Variants in LOXL4 observed in about 807,000 individuals in gnomAD.
LOXL4 encodes the protein lysyl oxidase homolog 4.
In LOXL4, 72 loss-of-function variants were observed where a neutral mutation model predicts 89.1. The ratio of observed to expected loss-of-function variants is 0.81; its 90% CI spans 0.67 to 0.98. The LOEUF (loss-of-function observed/expected upper bound fraction) is 0.98, where lower values mean the gene tolerates loss of function less well. Among genes scored for constraint, LOXL4 ranks in the 50% least tolerant of loss-of-function variants. The pLI is 0.00. For synonymous variants in LOXL4, 355 were observed against 392.1 expected, an observed-to-expected ratio of 0.91 and a Z score of 1.12; for missense variants, 984 against 1,017.5, an observed-to-expected ratio of 0.97 and a Z score of 0.45.
chr10:98,256,786 G>C lies in LOXL4; in HGVS notation c.1422C>G (p.Ala474=). The change falls in exon 9 of 15, where the codon GCC becomes GCG. Residue 474 remains alanine, a synonymous_variant. Coordinates refer to ENST00000260702, the MANE Select transcript of LOXL4 (RefSeq NM_032211.7). Reference sequence around the variant, plus strand: ...AAACAACAGAGGGACCTACCTTGTAGGCATGGATGGCAAAACCCAGGCCGA... The same window carrying C: ...AAACAACAGAGGGACCTACCTTGTACGCATGGATGGCAAAACCCAGGCCGA... ...RQLGLGFAIH[A]YKETWFWSGT... 1 of 1,614,132 alleles carries C rather than the reference G, an allele frequency of 6.2e-7. No homozygotes were observed. Among genetic ancestry groups the C allele is most frequent in the South Asian group, 1.1e-5 (1 of 91,092 alleles).
rs533287825 is a variant in LOXL4 at position 98,253,949 on chromosome 10, C to A, written c.1592-153G>T. Reference sequence around the variant, plus strand: ...TTTAAGAGTCAGGAGATGGTGAGTTCTAATAACATTTAAAGGAAGTCTATC... The same window carrying A: ...TTTAAGAGTCAGGAGATGGTGAGTTATAATAACATTTAAAGGAAGTCTATC... On this transcript the variant is annotated intron_variant, in intron 10 of 14. Transcript: ENST00000260702. Among the ~76,000 whole-genome samples, 13 of 152,166 alleles carry A rather than the reference C, an allele frequency of 8.5e-5. No homozygotes were observed. The East Asian group carries it at 2.3e-3, about 27-fold the overall frequency.
chr10:98,259,282 G>GT, intron 5 of LOXL4, 54 bp from the exon 6 acceptor site: 1 of 1,582,572 alleles, frequency 6.3e-7, no homozygotes, highest in African/African-American at 1.3e-5. Flanking sequence ...AGAGCTTCAG[G>GT]ACTAAGGGAG....
Position 98,257,991 on chromosome 10 carries a change from C to T in LOXL4, c.1095G>A (p.Arg365=), listed in dbSNP as rs376236102. The T allele has an allele frequency of 1.2e-6, 2 of 1,613,762 alleles. No individual in the cohort carries two copies. Among genetic ancestry groups the T allele is most frequent in the Non-Finnish European group, 1.7e-6 (2 of 1,179,934 alleles). Residue 365 remains arginine (R), a synonymous_variant, in exon 7 of 15, where the codon CGG becomes CGA. Transcript: ENST00000260702. ...GSAREALFGA[R]LGQGLGPIHL... is the part of the protein sequence containing the mutation. Reference sequence around the variant, plus strand: ...GGCTGTCTCACTCACCTTGGCCCAGCCGGGCCCCAAAGAGGGCCTCCCGAG... The same window carrying T: ...GGCTGTCTCACTCACCTTGGCCCAGTCGGGCCCCAAAGAGGGCCTCCCGAG...
rs771869435 is a variant in LOXL4, at chr10:98,253,745, A to C, written c.1643T>G (p.Leu548Trp). 15 of 1,614,180 alleles carry C rather than the reference A, an allele frequency of 9.3e-6. No homozygotes were observed. Among genetic ancestry groups the C allele is most frequent in the Non-Finnish European group, 1.2e-5 (14 of 1,180,024 alleles). ...CAGCTGGCTGAGCGGGCGGTCCTCC[A>C]AGTAGGCCGTCTCCTGCACTAGCTG... ...NAQLVQETAYLEDRPLSQLYC... is the reference protein window; with the variant it reads ...NAQLVQETAYWEDRPLSQLYC... The change falls in exon 11 of 15, where the codon TTG becomes TGG. Residue 548 changes from leucine (L) to tryptophan (W), a missense_variant. Transcript: ENST00000260702.
chr10:98,256,869 CCCAGCGTG>C lies in LOXL4; in HGVS notation c.1331_1338del (p.Pro444ArgfsTer6). The C allele has an allele frequency of 6.2e-7, 1 of 1,614,136 alleles. No homozygotes were observed. The highest frequency in any genetic ancestry group is 1.1e-5 in the South Asian group (1 of 91,086). On this transcript the variant is annotated frameshift_variant, in exon 9 of 15. Transcript: ENST00000260702. LOFTEE classifies it high-confidence loss of function. ...CCCCAGTTTTCACTGCACACGCTCCCCCAGCGTGGGACCCCGTTCACCTCCACCTGCAC... is the reference window on the plus strand; with the variant it reads ...CCCCAGTTTTCACTGCACACGCTCCCGGACCCCGTTCACCTCCACCTGCAC...
rs948462428 is a variant in LOXL4 at position 98,264,429 on chromosome 10, T to G, written c.-32-1378A>C. ...TTACCCCCAGACCACAGTGTGGGGG[T>G]TTGGAGGGGAAAGAGATGGAGGGAC... On this transcript the variant is annotated intron_variant, in intron 1 of 14. Coordinates refer to ENST00000260702, the MANE Select transcript of LOXL4 (RefSeq NM_032211.7). Among the ~76,000 whole-genome samples the G allele has an allele frequency of 2.7e-5, 4 of 145,688 alleles. No individual in the cohort carries two copies. In the Admixed American group the frequency reaches 2.8e-4, roughly 10 times the overall value.
chr10:98,248,602 T>A lies in LOXL4; in HGVS notation c.*319A>T, dbSNP rs1234403013. On this transcript the variant is annotated 3_prime_UTR_variant, in exon 15 of 15. Coordinates refer to ENST00000260702, the MANE Select transcript of LOXL4 (RefSeq NM_032211.7). Reference sequence around the variant, plus strand: ...GGGCCATAGTCCATCCCTAAGAAACTGAGAGCTCCTGAATCCCGGATCTCT... The same window carrying A: ...GGGCCATAGTCCATCCCTAAGAAACAGAGAGCTCCTGAATCCCGGATCTCT... The A allele has an allele frequency of 1.2e-5, 4 of 322,106 alleles. No individual in the cohort carries two copies. Among genetic ancestry groups the A allele is most frequent in the Non-Finnish European group, 1.2e-5 (2 of 171,614 alleles). The allele number at this position is 322,106 out of a possible 1,614,324, so 20.0% of individuals were successfully genotyped here.
At chr10:98,253,863 CA>C in intron 10 of LOXL4, 67 bp from the exon 11 acceptor site, 1 of 1,597,788 alleles carries the variant, frequency 6.3e-7, no homozygotes, top group East Asian at 2.2e-5. Flanking sequence ...GTCTCCAGCA[CA>C]GAGGGCAAGC....
intron 1 of LOXL4, 119 bp from the exon 2 acceptor site, chr10:98,263,170 G>GTC (rs1275712588): frequency 1.4e-6 from 1 of 718,254 alleles, no homozygotes; most frequent in African/African-American, 1.8e-5. Flanking sequence ...ATGTGTGTGT[G>GTC]TGTGCACGCG....
intron 2 of LOXL4, 48 bp downstream of exon 2, chr10:98,262,695 A>G: frequency 6.3e-7 from 1 of 1,582,542 alleles, no homozygotes; most frequent in Middle Eastern, 1.8e-4. Context: ...GCCCAAGAAG[A>G]CTGTTACCAT....
At position 98,256,862 on chromosome 10, in the gene LOXL4, A is replaced by G; in HGVS notation, c.1346T>C (p.Val449Ala). The G allele has an allele frequency of 1.9e-6, 3 of 1,614,102 alleles. No homozygotes were observed. The highest frequency in any genetic ancestry group is 2.5e-6 in the Non-Finnish European group (3 of 1,180,008). The stretch of plus-strand genomic sequence containing the variant: ...GGTGAGCCCCCAGTTTTCACTGCAC[A>G]CGCTCCCCCAGCGTGGGACCCCGTT... ...EVNGVPRWGS[V>A]CSENWGLTEA... Residue 449 changes from valine to alanine, a missense_variant, in exon 9 of 15, where the codon GTG becomes GCG. Val to Ala is a moderately conservative substitution (Grantham distance 64). Coordinates refer to ENST00000260702, the MANE Select transcript of LOXL4 (RefSeq NM_032211.7).
intron 1 of LOXL4, among the ~76,000 whole-genome samples, chr10:98,266,363 GC>G (rs1244584696): frequency 6.6e-6 from 1 of 152,140 alleles, no homozygotes; most frequent in East Asian, 1.9e-4. Flanking sequence ...GCACTAGACA[GC>G]CCCCCTATCC....
chr10:98,264,764 G>T (rs1407461112), intron 1 of LOXL4, among the ~76,000 whole-genome samples: 1 of 152,208 alleles, frequency 6.6e-6, no homozygotes, highest in East Asian at 1.9e-4. Flanking sequence ...TCCACCCCAA[G>T]GCTCTGCTGC....
intron 14 of LOXL4, among the ~76,000 whole-genome samples, chr10:98,250,852 A>G (rs1858170818): frequency 6.6e-6 from 1 of 152,252 alleles, no homozygotes; most frequent in Non-Finnish European, 1.5e-5. Context: ...GGGATGTAGA[A>G]GATGTAGTTA....
At chr10:98,250,552 C>G (rs1398386328) in intron 14 of LOXL4, among the ~76,000 whole-genome samples, 1 of 152,136 alleles carries the variant, frequency 6.6e-6, no homozygotes, top group Admixed American at 6.5e-5. Context: ...AGAACAGCCC[C>G]TCTTCTCTGC....
intron 1 of LOXL4, among the ~76,000 whole-genome samples, chr10:98,266,110 T>C (rs1368824935): frequency 6.6e-6 from 1 of 151,906 alleles, no homozygotes; most frequent in Non-Finnish European, 1.5e-5. Flanking sequence ...GAGTAGGAGG[T>C]AGACAGCCAG....
At position 98,262,048 on chromosome 10, in the gene LOXL4, G is replaced by T; in HGVS notation, c.443C>A (p.Ala148Asp). 1 of 1,610,168 alleles carries T rather than the reference G, an allele frequency of 6.2e-7. No homozygotes were observed. The highest frequency in any genetic ancestry group is 8.5e-7 in the Non-Finnish European group (1 of 1,178,260). Residue 148 changes from alanine (A) to aspartate (D), a missense_variant, in exon 3 of 15, where the codon GCC becomes GAC. Coordinates refer to ENST00000260702, the MANE Select transcript of LOXL4 (RefSeq NM_032211.7). ...CAGCCTCCTCACCTGGGGCCCAAGG[G>T]CATTGGAGACAGTTTCAGAAAGGTA... The part of the protein sequence containing the change: ...RGYLSETVSN[A>D]LGPQGRRLEE...
chr10:98,251,509 A>T (rs1858191167), intron 13 of LOXL4, 57 bp downstream of exon 13: 9 of 1,596,104 alleles, frequency 5.6e-6, no homozygotes, highest in Non-Finnish European at 7.7e-6. Context: ...CCTCAGGGAA[A>T]GTTGTGGAAC....
chr10:98,256,091 G>C (rs994603712), intron 9 of LOXL4: 1 of 154,460 alleles, frequency 6.5e-6, no homozygotes, highest in African/African-American at 3.2e-5. Context: ...GGCCCAGATC[G>C]TCAGTTGTGC....
Sources: gnomAD v4.1 joint callset for allele counts (sites outside exome capture counted in the v4.1 genomes callset) on GRCh38, gnomAD v4.1.1 for gene constraint, MANE v1.5 for transcripts, NCBI Gene and HGNC (gene_info 2026-07-23, HGNC 2026-07-21) for gene names.